Variants in SPTLC2 observed in about 807,000 individuals in gnomAD.
The protein encoded by SPTLC2 is serine palmitoyltransferase long chain base subunit 2.
Under a neutral mutation model 62.0 loss-of-function variants are expected in SPTLC2, and 21 were observed. The ratio of observed to expected loss-of-function variants is 0.34; its 90% CI spans 0.24 to 0.49. The LOEUF (loss-of-function observed/expected upper bound fraction) is 0.49. Among genes scored for constraint, SPTLC2 ranks in the 20% least tolerant of loss-of-function variants. The pLI, the probability that SPTLC2 is intolerant of heterozygous loss-of-function variation, is 0.99. For synonymous variants in SPTLC2, 261 were observed against 261.8 expected (o/e 1.00, Z 0.03); for missense variants, 511 against 713.0 (o/e 0.72, Z 3.23).
At chr14:77,602,755 G>T (rs561245395) in intron 1 of SPTLC2, among the ~76,000 whole-genome samples, 32 of 152,206 alleles carry the variant, frequency 2.1e-4, no homozygotes, top group Non-Finnish European at 4.4e-4. Context: ...CTGATTTATT[G>T]TAGAGATGGG....
intron 2 of SPTLC2, among the ~76,000 whole-genome samples, chr14:77,590,689 G>A (rs1371914871): frequency 1.3e-5 from 2 of 152,112 alleles, no homozygotes; most frequent in Non-Finnish European, 2.9e-5. Context: ...TCCAGCCTGG[G>A]CAACAGAGCA....
intron 9 of SPTLC2, among the ~76,000 whole-genome samples, chr14:77,534,176 TCTCACACA>T (rs1343236126): frequency 0.014 from 1,532 of 110,636 alleles, 47 homozygotes; most frequent in Admixed American, 0.089. Flanking sequence ...TCTCTCTCTC[TCTCACACA>T]CACACACACA....
intron 1 of SPTLC2, among the ~76,000 whole-genome samples, chr14:77,607,859 C>T (rs1296847488): frequency 2.0e-5 from 3 of 152,196 alleles, no homozygotes; most frequent in Non-Finnish European, 4.4e-5. Flanking sequence ...GCAATAAAGA[C>T]ACTACCCTTT....
At chr14:77,584,350 C>T (rs1050473020) in intron 2 of SPTLC2, among the ~76,000 whole-genome samples, 9 of 152,178 alleles carry the variant, frequency 5.9e-5, no homozygotes, top group Admixed American at 5.9e-4. Context: ...AATATGTTTA[C>T]ATGATGATGA....
intron 1 of SPTLC2, among the ~76,000 whole-genome samples, chr14:77,609,589 T>C (rs1337017295): frequency 6.6e-6 from 1 of 152,052 alleles, no homozygotes; most frequent in Non-Finnish European, 1.5e-5. Context: ...TATAAAAAAT[T>C]AGCTGGGCGT....
intron 9 of SPTLC2, among the ~76,000 whole-genome samples, chr14:77,545,203 A>T (rs187113421): frequency 3.3e-4 from 50 of 151,818 alleles, no homozygotes; most frequent in Admixed American, 9.2e-4. Flanking sequence ...GGTGACAATT[A>T]AAAAAAAATC....
intron 1 of SPTLC2, among the ~76,000 whole-genome samples, 182 bp from the exon 2 acceptor site, chr14:77,597,562 G>A (rs1392892346): frequency 1.3e-5 from 2 of 151,270 alleles, no homozygotes; most frequent in African/African-American, 2.4e-5. Flanking sequence ...ATCACTTGAG[G>A]TCAGGAGTTC....
At chr14:77,600,737 G>A (rs1008568526) in intron 1 of SPTLC2, among the ~76,000 whole-genome samples, 3 of 152,104 alleles carry the variant, frequency 2.0e-5, no homozygotes, top group African/African-American at 7.2e-5. Flanking sequence ...AGAAATGTTT[G>A]CTTGAACAGT....
At chr14:77,560,170 G>A (rs2079606843) in intron 6 of SPTLC2, among the ~76,000 whole-genome samples, 1 of 152,174 alleles carries the variant, frequency 6.6e-6, no homozygotes, top group African/African-American at 2.4e-5. Context: ...AGTAGGAACA[G>A]TCAATCTCAT....
At chr14:77,530,979 A>ACACCGC (rs1173223323) in intron 9 of SPTLC2, among the ~76,000 whole-genome samples, 1 of 152,212 alleles carries the variant, frequency 6.6e-6, no homozygotes, top group Non-Finnish European at 1.5e-5. Context: ...TTCTTCCCTA[A>ACACCGC]CACCGCCTCC....
chr14:77,519,238 C>A (rs1473064953), intron 10 of SPTLC2, among the ~76,000 whole-genome samples: 1 of 151,896 alleles, frequency 6.6e-6, no homozygotes, highest in Non-Finnish European at 1.5e-5. Context: ...CGGGGTTTCA[C>A]CATGTTGGCC....
chr14:77,577,986 A>C (rs1186197931), intron 3 of SPTLC2, among the ~76,000 whole-genome samples: 1 of 152,092 alleles, frequency 6.6e-6, no homozygotes, highest in Non-Finnish European at 1.5e-5. Flanking sequence ...CTCTACTAAA[A>C]ATACAAAAAG....
At chr14:77,540,131 G>A (rs897472419) in intron 9 of SPTLC2, among the ~76,000 whole-genome samples, 1 of 150,572 alleles carries the variant, frequency 6.6e-6, no homozygotes, top group Non-Finnish European at 1.5e-5. Flanking sequence ...GGGAGGCGGA[G>A]GTTGCGGTAA....
chr14:77,512,540 G>A (rs1204669085), intron 11 of SPTLC2, 137 bp from the exon 12 acceptor site: 5 of 1,322,966 alleles, frequency 3.8e-6, no homozygotes, highest in Non-Finnish European at 5.3e-6. Flanking sequence ...TACAAGATCA[G>A]ACTACAATAC....
rs560102082 is a variant in SPTLC2 at position 77,559,527 on chromosome 14, G to A, written c.851-2381C>T. On this transcript the variant is annotated intron_variant, in intron 6 of 11. Transcript: ENST00000216484. ...TGTAAAATCCGAAAGTCGTAAAACA[G>A]TAAGTGTGGCAACAAAAACATTTTC... Among the ~76,000 whole-genome samples the A allele has an allele frequency of 1.5e-4, 23 of 152,276 alleles. 1 individual carries two copies. The highest frequency in any genetic ancestry group is 5.5e-4 in the African/African-American group (23 of 41,546).
intron 2 of SPTLC2, among the ~76,000 whole-genome samples, chr14:77,587,087 G>A (rs994442728): frequency 6.6e-6 from 1 of 152,092 alleles, no homozygotes; most frequent in African/African-American, 2.4e-5. Flanking sequence ...AATTAGCTGG[G>A]CGTGGTAGCG....
intron 5 of SPTLC2, 30 bp downstream of exon 5, chr14:77,570,354 G>A (rs1023001429): frequency 1.9e-6 from 3 of 1,610,324 alleles, no homozygotes; most frequent in East Asian, 2.2e-5. Context: ...TATACATGAG[G>A]GAGTTTTCAT....
chr14:77,582,737 C>T (rs2079758762), intron 2 of SPTLC2, among the ~76,000 whole-genome samples: 1 of 152,178 alleles, frequency 6.6e-6, no homozygotes, highest in South Asian at 2.1e-4. Context: ...GTCACAGTAG[C>T]ACAGGGTAAA....
chr14:77,517,735 T>C (rs2079365975), intron 11 of SPTLC2, among the ~76,000 whole-genome samples: 1 of 151,690 alleles, frequency 6.6e-6, no homozygotes, highest in South Asian at 2.1e-4. Flanking sequence ...GAGAAAATTT[T>C]AGACAGAACA....
Sources: gnomAD v4.1 joint callset for allele counts (sites outside exome capture counted in the v4.1 genomes callset) on GRCh38, gnomAD v4.1.1 for gene constraint, MANE v1.5 for transcripts, NCBI Gene and HGNC (gene_info 2026-07-23, HGNC 2026-07-21) for gene names.